The following VAV3 variants were observed in gnomAD, a reference collection of about 807,000 sequenced individuals.
VAV3 encodes the protein guanine nucleotide exchange factor VAV3.
VAV3 carries 94 observed loss-of-function variants against 131.2 expected under a neutral mutation model. The observed-to-expected ratio is 0.72, with a 90% CI of 0.61 to 0.85. The LOEUF (loss-of-function observed/expected upper bound fraction) is 0.85. VAV3 is among the 40% of genes least tolerant of loss of function. VAV3 has a pLI of 0.00. For missense variants in VAV3, 939 were observed against 1,002.7 expected (o/e 0.94, Z 0.86); for synonymous variants, 349 against 342.0 (o/e 1.02, Z -0.22).
chr1:107,874,062 C>T (rs1383782749), intron 2 of VAV3, among the ~76,000 whole-genome samples: 1 of 152,166 alleles, frequency 6.6e-6, no homozygotes, highest in African/African-American at 2.4e-5. Flanking sequence ...ACCTGAATTA[C>T]AAGAATAAGG....
At chr1:107,613,837 C>G (rs1344039519) in intron 21 of VAV3, among the ~76,000 whole-genome samples, 1 of 151,998 alleles carries the variant, frequency 6.6e-6, no homozygotes, top group Non-Finnish European at 1.5e-5. Context: ...GGAGAATAAT[C>G]AATGTGGAAT....
intron 1 of VAV3, among the ~76,000 whole-genome samples, chr1:107,902,247 T>G (rs1671897625): frequency 1.3e-5 from 2 of 152,234 alleles, no homozygotes. Flanking sequence ...CCTAGTTTTC[T>G]GTGCTAAGTT....
At chr1:107,777,206 A>G in intron 4 of VAV3, 25 bp downstream of exon 4, 2 of 1,610,088 alleles carry the variant, frequency 1.2e-6, no homozygotes, top group East Asian at 4.5e-5. Context: ...CAGTGGCTAA[A>G]TTTTGCTTGA....
At chr1:107,584,392 C>T (rs1419043255) in intron 25 of VAV3, among the ~76,000 whole-genome samples, 1 of 152,060 alleles carries the variant, frequency 6.6e-6, no homozygotes, top group Non-Finnish European at 1.5e-5. Context: ...GCAACAAAAG[C>T]CAAAATTGAC....
chr1:107,877,541 A>T (rs1011823492), intron 1 of VAV3, among the ~76,000 whole-genome samples: 1 of 152,168 alleles, frequency 6.6e-6, no homozygotes, highest in African/African-American at 2.4e-5. Context: ...TGCACAGAAG[A>T]TTTAAAAAGA....
chr1:107,724,976 T>C (rs1348521395), intron 15 of VAV3, among the ~76,000 whole-genome samples: 1 of 152,186 alleles, frequency 6.6e-6, no homozygotes, highest in Non-Finnish European at 1.5e-5. Context: ...TATTTGTATT[T>C]AGGAAACTCT....
Position 107,768,407 on chromosome 1 carries a change from A to G in VAV3, c.717+34T>C, listed in dbSNP as rs139384250. On this transcript the variant is annotated intron_variant, in intron 7 of 26. Transcript: ENST00000370056. ...AAGGAAATGAAGATTTTATTGAAGT[A>G]CACCACAATTTTAGCTAGCATATTT... 8.2e-4 allele frequency: 1,256 copies of G among 1,539,856 alleles called. 8 individuals carry two copies. The African/African-American group carries it at 0.016, about 19-fold the overall frequency.
intron 2 of VAV3, among the ~76,000 whole-genome samples, chr1:107,838,905 T>C (rs1000587822): frequency 3.9e-5 from 6 of 152,056 alleles, no homozygotes; most frequent in East Asian, 1.9e-4. Context: ...ATGAGGTATA[T>C]GTGGACATAA....
intron 21 of VAV3, among the ~76,000 whole-genome samples, chr1:107,610,772 T>C (rs893629716): frequency 7.2e-5 from 11 of 152,164 alleles, no homozygotes; most frequent in African/African-American, 2.4e-4. Context: ...AGAAATAAAG[T>C]ACATTCTATA....
At chr1:107,962,310 A>G (rs1185666552) in intron 1 of VAV3, among the ~76,000 whole-genome samples, 1 of 151,184 alleles carries the variant, frequency 6.6e-6, no homozygotes, top group Non-Finnish European at 1.5e-5. Context: ...ACCTTTCCCA[A>G]GAAAGAGATG....
chr1:107,636,325 T>C (rs968941729), intron 20 of VAV3, among the ~76,000 whole-genome samples: 3 of 152,214 alleles, frequency 2.0e-5, no homozygotes, highest in African/African-American at 7.2e-5. Context: ...TCTAAATATG[T>C]CTGGGCAATC....
intron 4 of VAV3, among the ~76,000 whole-genome samples, chr1:107,775,049 C>A (rs990604345): frequency 2.0e-5 from 3 of 151,936 alleles, no homozygotes; most frequent in Non-Finnish European, 2.9e-5. Flanking sequence ...TTTAATCCTG[C>A]AAATACATTC....
chr1:107,737,944 T>G (rs1662766047), intron 15 of VAV3, among the ~76,000 whole-genome samples: 1 of 152,160 alleles, frequency 6.6e-6, no homozygotes, highest in Non-Finnish European at 1.5e-5. Flanking sequence ...AGCAAAGACT[T>G]GGAACTAACC....
intron 1 of VAV3, among the ~76,000 whole-genome samples, chr1:107,907,518 T>C (rs1672162891): frequency 1.3e-5 from 2 of 152,264 alleles, no homozygotes; most frequent in East Asian, 1.9e-4. Flanking sequence ...TACTGAAAAG[T>C]AGGAACTTTA....
In VAV3 at chr1:107,595,061, C is replaced by G. The variant is rs141211998; in HGVS notation, c.2350+1151G>C. ...GAGAAAACTTCCATTTTTGAATGAGCAAAAATTATGCCTATTTGAGAATCT... is the reference window on the plus strand; with the variant it reads ...GAGAAAACTTCCATTTTTGAATGAGGAAAAATTATGCCTATTTGAGAATCT... On this transcript the variant is annotated intron_variant, in intron 25 of 26. Coordinates refer to ENST00000370056, the MANE Select transcript of VAV3 (RefSeq NM_006113.5). 2.0e-5 allele frequency among the ~76,000 whole-genome samples: 3 copies of G among 152,170 alleles called. No homozygotes were observed. The East Asian group carries it at 5.8e-4, about 29-fold the overall frequency.
chr1:107,701,356 G>A (rs1406033557), intron 17 of VAV3, among the ~76,000 whole-genome samples: 1 of 151,890 alleles, frequency 6.6e-6, no homozygotes, highest in African/African-American at 2.4e-5. Flanking sequence ...TGAGCTGTAC[G>A]TTGGCCCCTT....
chr1:107,862,029 T>C (rs972971139), intron 2 of VAV3, among the ~76,000 whole-genome samples: 1 of 151,744 alleles, frequency 6.6e-6, no homozygotes, highest in Non-Finnish European at 1.5e-5. Flanking sequence ...TCAGACACTA[T>C]GTTGATTTAG....
chr1:107,647,699 G>A (rs1173637116), intron 19 of VAV3, among the ~76,000 whole-genome samples: 2 of 151,910 alleles, frequency 1.3e-5, no homozygotes, highest in Non-Finnish European at 2.9e-5. Context: ...AGCCAAGTTT[G>A]GGAATCACAT....
At chr1:107,612,180 G>GTC (rs1652799024) in intron 21 of VAV3, among the ~76,000 whole-genome samples, 2 of 66,566 alleles carry the variant, frequency 3.0e-5, no homozygotes, top group Non-Finnish European at 6.8e-5. Flanking sequence ...ATTTATATTG[G>GTC]TCTATATATA....
Sources: allele counts gnomAD v4.1 joint callset (sites outside exome capture counted in the v4.1 genomes callset), GRCh38; gene constraint gnomAD v4.1.1; transcripts MANE v1.5; gene names NCBI Gene and HGNC (gene_info 2026-07-23, HGNC 2026-07-21).